The following CPEB1 variants were observed in gnomAD, a reference collection of about 807,000 sequenced individuals.
CPEB1 encodes the protein cytoplasmic polyadenylation element binding protein 1, also known as cytoplasmic polyadenylation element-binding protein 1.
A neutral mutation model predicts 65.8 loss-of-function variants in CPEB1; 7 were observed. The ratio of observed to expected loss-of-function variants is 0.11; its 90% CI spans 0.06 to 0.20. The LOEUF (loss-of-function observed/expected upper bound fraction) is 0.20. Among genes scored for constraint, CPEB1 ranks in the 10% least tolerant of loss-of-function variants. The probability of loss-of-function intolerance (pLI) is 1.00; values close to 1 mark genes in which losing one functional copy is unlikely to be tolerated. For synonymous variants in CPEB1, 262 were observed against 260.0 expected (o/e 1.01, Z -0.08); for missense variants, 551 against 712.2 (o/e 0.77, Z 2.58).
intron 4 of CPEB1, among the ~76,000 whole-genome samples, chr15:82,559,308 G>T (rs2037789764): frequency 6.6e-6 from 1 of 152,088 alleles, no homozygotes; most frequent in South Asian, 2.1e-4. Flanking sequence ...GCTCCTTTAG[G>T]TATATGACCT....
rs972666849 is a variant in CPEB1 at position 82,574,303 on chromosome 15, G to A, written c.272-2771C>T. On this transcript the variant is annotated intron_variant, in intron 3 of 12. Transcript: ENST00000684509. ...GTGTGGCAGGCTGGAAAAATCAACA[G>A]CTTTAGATGACTGACAGACCTTGCT... is the stretch of plus-strand genomic sequence containing the variant. Among the ~76,000 whole-genome samples the A allele has an allele frequency of 5.3e-5, 8 of 152,314 alleles. No homozygotes were observed. The South Asian group carries it at 1.7e-3, about 32-fold the overall frequency.
At chr15:82,600,169 A>G (rs1465764429) in intron 3 of CPEB1, among the ~76,000 whole-genome samples, 1 of 152,178 alleles carries the variant, frequency 6.6e-6, no homozygotes, top group Non-Finnish European at 1.5e-5. Context: ...AATTAAAACA[A>G]ACAAGGAACA....
rs115416688 is a variant in CPEB1, at chr15:82,597,155, T to A, written c.272-25623A>T. On this transcript the variant is annotated intron_variant, in intron 3 of 12. Transcript: ENST00000684509. ...GACTGGGCAACACAGGGAGACCCTA[T>A]CTCTACAAAAAAATGAAAAAGTTAA... Among the ~76,000 whole-genome samples, 1,202 of 152,216 alleles carry A rather than the reference T, an allele frequency of 7.9e-3. 17 individuals carry two copies. Among genetic ancestry groups the A allele is most frequent in the African/African-American group, 0.026 (1,097 of 41,516 alleles).
chr15:82,565,095 T>C (rs928287771), intron 4 of CPEB1, among the ~76,000 whole-genome samples: 1 of 152,118 alleles, frequency 6.6e-6, no homozygotes, highest in Non-Finnish European at 1.5e-5. Flanking sequence ...GACTAGAAGA[T>C]ACCAAGAAGA....
intron 4 of CPEB1, among the ~76,000 whole-genome samples, chr15:82,564,419 G>A (rs2151013114): frequency 6.6e-6 from 1 of 152,228 alleles, no homozygotes; most frequent in South Asian, 2.1e-4. Flanking sequence ...CCGAGTAGCT[G>A]GGACTACAGG....
chr15:82,634,965 T>A (rs2046541808), intron 1 of CPEB1, among the ~76,000 whole-genome samples: 2 of 152,190 alleles, frequency 1.3e-5, no homozygotes, highest in African/African-American at 4.8e-5. Flanking sequence ...GCAATTCTGG[T>A]GCCTATGCCT....
intron 3 of CPEB1, among the ~76,000 whole-genome samples, chr15:82,624,490 G>A (rs775949047): frequency 6.6e-6 from 1 of 152,064 alleles, no homozygotes; most frequent in Non-Finnish European, 1.5e-5. Flanking sequence ...ATTTCCTCAA[G>A]ATCTTCCTCC....
intron 3 of CPEB1, among the ~76,000 whole-genome samples, chr15:82,620,424 C>CAAA (rs143850979): frequency 2.2e-5 from 3 of 139,264 alleles, no homozygotes; most frequent in African/African-American, 5.6e-5. Context: ...GACTCTGTCT[C>CAAA]AAAAAGAAAA....
chr15:82,577,842 T>C (rs1292664153), intron 3 of CPEB1, among the ~76,000 whole-genome samples: 1 of 151,970 alleles, frequency 6.6e-6, no homozygotes, highest in Non-Finnish European at 1.5e-5. Context: ...AAATATAGCA[T>C]TGATAAAGCT....
intron 3 of CPEB1, among the ~76,000 whole-genome samples, chr15:82,581,295 A>G (rs1459964361): frequency 6.6e-6 from 1 of 152,136 alleles, no homozygotes; most frequent in Non-Finnish European, 1.5e-5. Flanking sequence ...TAAAGCTCCT[A>G]ATTTTGCATC....
At chr15:82,606,353 T>C (rs2043591895) in intron 3 of CPEB1, among the ~76,000 whole-genome samples, 1 of 150,656 alleles carries the variant, frequency 6.6e-6, no homozygotes, top group Non-Finnish European at 1.5e-5. Flanking sequence ...GTACCTGGTA[T>C]CCCAGCTACT....
upstream of CPEB1, chr15:82,647,625 G>C (rs1173990270): frequency 3.0e-6 from 1 of 338,144 alleles, no homozygotes; most frequent in East Asian, 4.6e-5. Context: ...GCAGGGCTGC[G>C]GCGCCTTTAA....
intron 1 of CPEB1, among the ~76,000 whole-genome samples, chr15:82,631,219 T>C (rs2046217280): frequency 6.6e-6 from 1 of 152,124 alleles, no homozygotes; most frequent in African/African-American, 2.4e-5. Flanking sequence ...CCTGCCCCAC[T>C]CCTAATCCTG....
At chr15:82,638,605 T>C (rs900494055) in intron 1 of CPEB1, 4 of 152,202 alleles carry the variant, frequency 2.6e-5, no homozygotes, top group Non-Finnish European at 4.4e-5. Context: ...ATACCCAAAG[T>C]TGAATAACCA....
intron 3 of CPEB1, among the ~76,000 whole-genome samples, chr15:82,602,869 T>C (rs1236474709): frequency 1.3e-5 from 2 of 151,644 alleles, no homozygotes; most frequent in Non-Finnish European, 2.9e-5. Flanking sequence ...TAAAAATAAA[T>C]AAAATAAAAT....
intron 3 of CPEB1, chr15:82,571,979 G>A (rs994580792): frequency 8.9e-6 from 4 of 448,984 alleles, no homozygotes; most frequent in African/African-American, 2.1e-5. Context: ...GCAAGGCAGC[G>A]CCCTCCGGTC....
At chr15:82,633,118 T>G (rs540207735) in intron 1 of CPEB1, 1 of 152,340 alleles carries the variant, frequency 6.6e-6, no homozygotes, top group South Asian at 2.1e-4. Flanking sequence ...GGTCTTCTAC[T>G]GTCAACGGGA....
At chr15:82,605,906 C>T (rs1010025451) in intron 3 of CPEB1, among the ~76,000 whole-genome samples, 17 of 151,894 alleles carry the variant, frequency 1.1e-4, no homozygotes, top group African/African-American at 3.1e-4. Context: ...GGTGTGATGC[C>T]GCATGTCTGT....
intron 3 of CPEB1, among the ~76,000 whole-genome samples, chr15:82,607,458 T>TG (rs201126114): frequency 0.037 from 5,583 of 152,124 alleles, 145 homozygotes; most frequent in Non-Finnish European, 0.062. Context: ...TGTGGTGGTG[T>TG]GTGCCTGTAG....
Sources: gnomAD v4.1 joint callset for allele counts (sites outside exome capture counted in the v4.1 genomes callset) on GRCh38, gnomAD v4.1.1 for gene constraint, MANE v1.5 for transcripts, NCBI Gene and HGNC (gene_info 2026-07-23, HGNC 2026-07-21) for gene names.